APBA2: variants seen among roughly 807,000 people sequenced by gnomAD.
APBA2 encodes amyloid beta precursor protein binding family A member 2.
Under a neutral mutation model 75.0 loss-of-function variants are expected in APBA2, and 30 were observed. The ratio of observed to expected loss-of-function variants is 0.40; its 90% CI spans 0.30 to 0.54. APBA2 has a LOEUF of 0.54. Among genes scored for constraint, APBA2 ranks in the 20% least tolerant of loss-of-function variants. APBA2 has a pLI of 0.49. For synonymous variants in APBA2, 444 were observed against 409.6 expected (o/e 1.08, Z -1.01); for missense variants, 801 against 1,016.1 (o/e 0.79, Z 2.88).
intron 1 of APBA2, among the ~76,000 whole-genome samples, chr15:28,889,200 G>A (rs1025331295): frequency 3.3e-5 from 5 of 152,138 alleles, no homozygotes; most frequent in African/African-American, 4.8e-5. Context: ...CGTGGGCACC[G>A]TCTTTTCTCG....
intron 1 of APBA2, among the ~76,000 whole-genome samples, chr15:28,920,109 G>T (rs553289701): frequency 6.6e-6 from 1 of 152,204 alleles, no homozygotes; most frequent in Non-Finnish European, 1.5e-5. Flanking sequence ...CCAGGTAGGA[G>T]CCTGAGAGGG....
In APBA2 at chr15:29,053,948, C is replaced by T. The variant is rs145726347; in HGVS notation, c.64C>T (p.Pro22Ser). Reference protein sequence around the residue: ...GMLDHRVRPGPVPHSQEPESE... With the variant: ...GMLDHRVRPGSVPHSQEPESE... ...GTTGGACCATAGGGTGAGACCAGGT[C>T]CTGTCCCTCACAGCCAGGAGCCCGA... The change falls in exon 4 of 15, where the codon CCT becomes TCT. Residue 22 changes from proline to serine, a missense_variant. Coordinates refer to ENST00000683413, the MANE Select transcript of APBA2 (RefSeq NM_001353788.2). 12 of 1,614,012 alleles carry T rather than the reference C, an allele frequency of 7.4e-6. No homozygotes were observed. Among genetic ancestry groups the T allele is most frequent in the Non-Finnish European group, 9.3e-6 (11 of 1,179,988 alleles).
intron 1 of APBA2, among the ~76,000 whole-genome samples, chr15:28,917,856 G>A (rs1233939310): frequency 6.6e-6 from 1 of 152,200 alleles, no homozygotes; most frequent in East Asian, 1.9e-4. Flanking sequence ...CCGGCTTACT[G>A]TGGCGTGGGG....
intron 6 of APBA2, among the ~76,000 whole-genome samples, chr15:29,083,332 G>T (rs550482782): frequency 6.6e-6 from 1 of 152,088 alleles, no homozygotes; most frequent in African/African-American, 2.4e-5. Context: ...CTGTTACAGG[G>T]ACGGTCCATT....
chr15:28,967,596 G>A (rs868214926), intron 2 of APBA2, among the ~76,000 whole-genome samples: 13 of 152,002 alleles, frequency 8.6e-5, no homozygotes, highest in East Asian at 7.8e-4. Flanking sequence ...CTGCCACCAC[G>A]CCCGGCTAAT....
intron 4 of APBA2, among the ~76,000 whole-genome samples, chr15:29,066,709 T>C (rs543511458): frequency 6.6e-6 from 1 of 152,284 alleles, no homozygotes; most frequent in East Asian, 1.9e-4. Flanking sequence ...TGGTAAATTG[T>C]ATGTTATGTA....
intron 3 of APBA2, chr15:29,044,447 T>C (rs1366191931): frequency 6.6e-6 from 1 of 152,194 alleles, no homozygotes; most frequent in South Asian, 2.1e-4. Flanking sequence ...GCTTCTCCTG[T>C]ACATTTGAAT....
chr15:29,044,125 G>A (rs1049293171), intron 3 of APBA2, among the ~76,000 whole-genome samples: 2 of 152,164 alleles, frequency 1.3e-5, no homozygotes, highest in Non-Finnish European at 2.9e-5. Flanking sequence ...TGTATGATAC[G>A]TTTTCACCCA....
At chr15:28,901,495 G>A (rs963896683) in intron 1 of APBA2, among the ~76,000 whole-genome samples, 6 of 152,212 alleles carry the variant, frequency 3.9e-5, no homozygotes, top group Non-Finnish European at 8.8e-5. Flanking sequence ...TTTGGGGTGG[G>A]TTTTCAGTAT....
At chr15:29,093,463 C>T (rs562931844) in intron 7 of APBA2, among the ~76,000 whole-genome samples, 5 of 152,370 alleles carry the variant, frequency 3.3e-5, no homozygotes, top group African/African-American at 9.6e-5. Context: ...GAAATACGAC[C>T]TTTAAAGATC....
Position 28,936,170 on chromosome 15 carries a change from A to G in APBA2, c.-95+14421A>G, listed in dbSNP as rs917513704. 2.6e-5 allele frequency among the ~76,000 whole-genome samples: 4 copies of G among 152,132 alleles called. No homozygotes were observed. The East Asian group carries it at 7.7e-4, about 29-fold the overall frequency. ...TGTACATTTTAATGTGGAAGACGTG[A>G]TGGTTTTGCGTTTGCTCCTCCAGTT... On this transcript the variant is annotated intron_variant, in intron 2 of 14. Coordinates refer to ENST00000683413, the MANE Select transcript of APBA2 (RefSeq NM_001353788.2).
intron 3 of APBA2, among the ~76,000 whole-genome samples, chr15:29,011,724 C>T (rs2039411321): frequency 6.6e-6 from 1 of 151,948 alleles, no homozygotes; most frequent in Admixed American, 6.6e-5. Flanking sequence ...TTAAATTATC[C>T]AGCTGCTCAT....
Position 29,117,267 on chromosome 15 carries a change from C to G in APBA2, c.*134C>G. 1 of 752,614 alleles carries G rather than the reference C, an allele frequency of 1.3e-6. No homozygotes were observed. Among genetic ancestry groups the G allele is most frequent in the South Asian group, 1.5e-5 (1 of 65,264 alleles). 46.6% of individuals were successfully genotyped at this position (752,614 alleles called of 1,614,324 possible). A position where few individuals can be genotyped will look rare whatever the true frequency, so the allele number is the denominator to read the frequency against. ...GACGCTGGCTCCCCAAAGGGTGTGC[C>G]CTCACCACCCACTTGATTTTTTTCA... On this transcript the variant is annotated 3_prime_UTR_variant, in exon 15 of 15. Coordinates refer to ENST00000683413, the MANE Select transcript of APBA2 (RefSeq NM_001353788.2).
intron 2 of APBA2, among the ~76,000 whole-genome samples, chr15:28,953,023 A>G (rs1393086604): frequency 6.6e-6 from 1 of 152,038 alleles, no homozygotes; most frequent in African/African-American, 2.4e-5. Context: ...CTTGTTGGTT[A>G]CTCTGTGACC....
At chr15:29,029,416 AT>A (rs974124928) in intron 3 of APBA2, among the ~76,000 whole-genome samples, 6 of 152,006 alleles carry the variant, frequency 3.9e-5, no homozygotes, top group African/African-American at 1.4e-4. Flanking sequence ...GTGATATCTA[AT>A]TTTTTGTTCA....
At chr15:29,019,892 T>C (rs1200881114) in intron 3 of APBA2, among the ~76,000 whole-genome samples, 1 of 152,272 alleles carries the variant, frequency 6.6e-6, no homozygotes, top group Non-Finnish European at 1.5e-5. Context: ...TACCAGATAC[T>C]GTCAGGTTCC....
intron 1 of APBA2, among the ~76,000 whole-genome samples, chr15:28,904,031 A>G (rs1049971518): frequency 2.0e-5 from 3 of 152,248 alleles, no homozygotes; most frequent in African/African-American, 7.2e-5. Flanking sequence ...AGGCAACTTC[A>G]TATGCCTCAA....
At chr15:28,954,684 G>A (rs1595557314) in intron 2 of APBA2, among the ~76,000 whole-genome samples, 1 of 152,290 alleles carries the variant, frequency 6.6e-6, no homozygotes, top group East Asian at 1.9e-4. Flanking sequence ...TGAAGACGGC[G>A]CTCACGGTCA....
intron 2 of APBA2, among the ~76,000 whole-genome samples, chr15:28,968,307 G>A (rs764845894): frequency 4.6e-5 from 7 of 152,226 alleles, no homozygotes; most frequent in Non-Finnish European, 1.0e-4. Context: ...TGTATACTCA[G>A]AAGTGGGATT....
Sources: allele counts gnomAD v4.1 joint callset (sites outside exome capture counted in the v4.1 genomes callset), GRCh38; gene constraint gnomAD v4.1.1; transcripts MANE v1.5; gene names NCBI Gene and HGNC (gene_info 2026-07-23, HGNC 2026-07-21).